PEAR1: variants seen among roughly 807,000 people sequenced by gnomAD.
The protein encoded by PEAR1 is multiple EGF-like domains protein 12.
In PEAR1, 113 loss-of-function variants were observed where a neutral mutation model predicts 131.2. That is an observed-to-expected ratio of 0.86 (90% CI 0.74 to 1.01). The LOEUF is 1.01. Ranked by LOEUF, PEAR1 falls within the 50% of genes least tolerant of loss-of-function variation. The probability of loss-of-function intolerance (pLI) is 0.00; values close to 1 mark genes in which losing one functional copy is unlikely to be tolerated. For missense variants in PEAR1, 1,408 were observed against 1,391.1 expected (o/e 1.01, Z -0.19); for synonymous variants, 565 against 523.3 (o/e 1.08, Z -1.09).
At position 156,902,100 on chromosome 1, in the gene PEAR1, T is replaced by G. The variant is rs1649742289; in HGVS notation, c.-9-1818T>G. ...CATGGCCCTCCCGTATGCTACCCACTGCGTTCAGGATGGTGGGAGGATGGA... is the reference window on the plus strand; with the variant it reads ...CATGGCCCTCCCGTATGCTACCCACGGCGTTCAGGATGGTGGGAGGATGGA... On this transcript the variant is annotated intron_variant, in intron 1 of 22. Coordinates refer to ENST00000292357, the MANE Select transcript of PEAR1 (RefSeq NM_001080471.3). This position sits in a 1 kb window ranked among gnomAD's most constrained non-coding sequence, Gnocchi z 4.3. 6.6e-6 allele frequency: 1 copy of G among 152,188 alleles called. No homozygotes were observed. Among genetic ancestry groups the G allele is most frequent in the Admixed American group, 6.5e-5 (1 of 15,282 alleles). 9.4% of individuals were successfully genotyped at this position (152,188 alleles called of 1,614,324 possible).
Position 156,907,661 on chromosome 1 carries a change from C to G in PEAR1, c.696C>G (p.Thr232=). 4 of 1,613,984 alleles carry G rather than the reference C, an allele frequency of 2.5e-6. No homozygotes were observed. The highest frequency in any genetic ancestry group is 2.7e-5 in the African/African-American group (2 of 75,026). Residue 232 remains threonine (T), a synonymous_variant, in exon 7 of 23, where the codon ACC becomes ACG. Coordinates refer to ENST00000292357, the MANE Select transcript of PEAR1 (RefSeq NM_001080471.3). The part of the protein sequence containing the change: ...QGTSGFFCPS[T]HSCQNGGVFQ... Reference sequence around the variant, plus strand: ...CTTCTGGCTTCTTCTGCCCCAGCACCCATTCTTGCCAAAATGGAGGTGTCT... The same window carrying G: ...CTTCTGGCTTCTTCTGCCCCAGCACGCATTCTTGCCAAAATGGAGGTGTCT...
Position 156,905,363 on chromosome 1 carries a change from G to A in PEAR1, c.246G>A (p.Thr82=), listed in dbSNP as rs1308568302. ...CCGTGTACCGTCAGGTGGTGAAGACGGACCACCGCCAGCGCCTGCAGTGCT... is the reference window on the plus strand; with the variant it reads ...CCGTGTACCGTCAGGTGGTGAAGACAGACCACCGCCAGCGCCTGCAGTGCT... ...YRTVYRQVVK[T]DHRQRLQCCH... The change falls in exon 4 of 23, where the codon ACG becomes ACA. Residue 82 remains threonine, a synonymous_variant. Transcript: ENST00000292357. 1.4e-5 allele frequency: 22 copies of A among 1,611,792 alleles called. No homozygotes were observed. The highest frequency in any genetic ancestry group is 4.0e-5 in the African/African-American group (3 of 74,886).
Position 156,906,840 on chromosome 1 carries a change from A to G in PEAR1, c.604A>G (p.Thr202Ala), listed in dbSNP as rs1198776324. ...QCHGAPCDPQ[T>A]GACFCPAERT... Reference sequence around the variant, plus strand: ...CCATGGGGCACCCTGCGATCCCCAGACTGGAGCCTGCTTCTGCCCCGCAGA... The same window carrying G: ...CCATGGGGCACCCTGCGATCCCCAGGCTGGAGCCTGCTTCTGCCCCGCAGA... Residue 202 changes from threonine (T) to alanine (A), a missense_variant, in exon 6 of 23, where the codon ACT (threonine) becomes GCT (alanine). Coordinates refer to ENST00000292357, the MANE Select transcript of PEAR1 (RefSeq NM_001080471.3). 1 of 1,614,116 alleles carries G rather than the reference A, an allele frequency of 6.2e-7. No homozygotes were observed. Among genetic ancestry groups the G allele is most frequent in the Admixed American group, 1.7e-5 (1 of 60,028 alleles).
intron 1 of PEAR1, among the ~76,000 whole-genome samples, chr1:156,898,135 C>A (rs565416270): frequency 3.1e-4 from 47 of 152,154 alleles, no homozygotes; most frequent in Non-Finnish European, 6.3e-4. Context: ...TACCTGAGAC[C>A]CTCCACTGTG....
At chr1:156,895,231 C>G (rs1433843475) in intron 1 of PEAR1, among the ~76,000 whole-genome samples, 1 of 152,250 alleles carries the variant, frequency 6.6e-6, no homozygotes, top group East Asian at 1.9e-4. Context: ...CTATCAGACT[C>G]TCCCAGAAGA....
Position 156,914,839 on chromosome 1 carries a change from T to C in PEAR1, c.*41T>C, listed in dbSNP as rs762396976. The C allele has an allele frequency of 1.9e-6, 3 of 1,608,326 alleles. No individual in the cohort carries two copies. The highest frequency in any genetic ancestry group is 2.5e-6 in the Non-Finnish European group (3 of 1,176,712). ...TGGCAGAGGCCAGCACACCTGGCTGTTGCTGCTCAAGGCTGGGGACAGAGC... is the reference window on the plus strand; with the variant it reads ...TGGCAGAGGCCAGCACACCTGGCTGCTGCTGCTCAAGGCTGGGGACAGAGC... On this transcript the variant is annotated 3_prime_UTR_variant, in exon 23 of 23. Coordinates refer to ENST00000292357, the MANE Select transcript of PEAR1 (RefSeq NM_001080471.3).
Position 156,912,600 on chromosome 1 carries a change from C to T in PEAR1, c.2187C>T (p.His729=). Reference sequence around the variant, plus strand: ...GGGCCTGTGTATGTCCCCCAGGGCACAGTGGTGCACCTTGCAGGATTGGTG... The same window carrying T: ...GGGCCTGTGTATGTCCCCCAGGGCATAGTGGTGCACCTTGCAGGATTGGTG... The part of the protein sequence containing the change: ...ETGACVCPPG[H]SGAPCRIGIQ... Residue 729 remains histidine, a synonymous_variant, in exon 17 of 23, where the codon CAC becomes CAT. Coordinates refer to ENST00000292357, the MANE Select transcript of PEAR1 (RefSeq NM_001080471.3). 3.7e-6 allele frequency: 6 copies of T among 1,613,760 alleles called. No individual in the cohort carries two copies. The highest frequency in any genetic ancestry group is 5.1e-6 in the Non-Finnish European group (6 of 1,179,918).
rs944200774 is a variant in PEAR1, at chr1:156,913,890, T to C, written c.2752T>C (p.Ser918Pro). ...SEEELGASVA[S>P]LSSENPYATI... Reference sequence around the variant, plus strand: ...AGAGGAGCTCGGGGCCAGTGTGGCTTCCCTGAGCAGTGAGAACCCATATGC... The same window carrying C: ...AGAGGAGCTCGGGGCCAGTGTGGCTCCCCTGAGCAGTGAGAACCCATATGC... Residue 918 changes from serine to proline, a missense_variant, in exon 22 of 23, where the codon TCC becomes CCC. Ser to Pro is a moderately conservative substitution (Grantham distance 74, BLOSUM62 -1). Transcript: ENST00000292357. 3.1e-6 allele frequency: 5 copies of C among 1,613,940 alleles called. No individual in the cohort carries two copies. Among genetic ancestry groups the C allele is most frequent in the African/African-American group, 1.3e-5 (1 of 75,036 alleles).
intron 15 of PEAR1, among the ~76,000 whole-genome samples, chr1:156,911,080 T>TCTTTCTTTCTTTCTTTCTTTC (rs1651058988): frequency 7.2e-6 from 1 of 138,134 alleles, no homozygotes; most frequent in Non-Finnish European, 1.5e-5. Context: ...TTTCTTTCTT[T>TCTTTCTTTCTTTCTTTCTTTC]CTTTCTTTCT....
intron 4 of PEAR1, among the ~76,000 whole-genome samples, 154 bp downstream of exon 4, chr1:156,905,578 C>T (rs550494340): frequency 6.6e-6 from 1 of 152,192 alleles, no homozygotes; most frequent in Admixed American, 6.5e-5. Context: ...GCCTTGTCCC[C>T]AGGATGGGGA....
Position 156,909,018 on chromosome 1 carries a change from G to T in PEAR1, c.1393G>T (p.Glu465Ter). ...CATCGCCTGCTCACCCATCGACGGC[G>T]AGTGCGTCTGCAAGGAAGGTAATAG... ...NAIACSPIDGECVCKEGWQRG... is the reference protein window; with the variant it reads ...NAIACSPIDG Residue 465 changes from glutamate to a stop codon, truncating the protein, a stop_gained, in exon 11 of 23, where the codon GAG becomes TAG. Coordinates refer to ENST00000292357, the MANE Select transcript of PEAR1 (RefSeq NM_001080471.3). LOFTEE classifies it high-confidence loss of function. The T allele has an allele frequency of 2.5e-6, 4 of 1,614,074 alleles. No individual in the cohort carries two copies. The highest frequency in any genetic ancestry group is 1.1e-5 in the South Asian group (1 of 91,062).
intron 1 of PEAR1, among the ~76,000 whole-genome samples, chr1:156,897,895 T>G (rs576440519): frequency 6.6e-6 from 1 of 152,090 alleles, no homozygotes; most frequent in East Asian, 1.9e-4. Context: ...GCTGGCCCCC[T>G]GGGGGTTCTT....
intron 1 of PEAR1, among the ~76,000 whole-genome samples, chr1:156,895,980 G>T (rs1420132759): frequency 1.3e-5 from 2 of 152,174 alleles, no homozygotes; most frequent in African/African-American, 2.4e-5. Flanking sequence ...TACTCAAGAG[G>T]CTGAGGTGGG....
In PEAR1 at chr1:156,907,745, G is replaced by T. The variant is rs879217437; in HGVS notation, c.765+15G>T. On this transcript the variant is annotated intron_variant, in intron 7 of 22. Coordinates refer to ENST00000292357, the MANE Select transcript of PEAR1 (RefSeq NM_001080471.3). ...CTGGCTGGATGGTATGGAGGGTGGG[G>T]CCTGTGGGCATGGGGTGTGGGTCTG... 1 of 1,601,024 alleles carries T rather than the reference G, an allele frequency of 6.2e-7. No homozygotes were observed. Among genetic ancestry groups the T allele is most frequent in the Admixed American group, 1.7e-5 (1 of 59,028 alleles).
chr1:156,910,336 A>G lies in PEAR1; in HGVS notation c.1781A>G (p.Asn594Ser). ...GGCACCTGTCTCCCTGAGAATGGCA[A>G]CTGCGTGTGTGCACCCGGATTCCGG... Reference protein sequence around the residue: ...NGGTCLPENGNCVCAPGFRGP... With the variant: ...NGGTCLPENGSCVCAPGFRGP... Residue 594 changes from asparagine to serine, a missense_variant, in exon 14 of 23, where the codon AAC becomes AGC. Coordinates refer to ENST00000292357, the MANE Select transcript of PEAR1 (RefSeq NM_001080471.3). 1 of 1,611,902 alleles carries G rather than the reference A, an allele frequency of 6.2e-7. No homozygotes were observed. Among genetic ancestry groups the G allele is most frequent in the South Asian group, 1.1e-5 (1 of 90,798 alleles).
At position 156,908,366 on chromosome 1, in the gene PEAR1, G is replaced by C. The variant is rs1391422695; in HGVS notation, c.1115+26G>C. ...GTGGGCCGCGGGACATGTGGTCAAA[G>C]GATCAGGAGGCCAATGGGGAGGTCT... On this transcript the variant is annotated intron_variant, in intron 9 of 22. Coordinates refer to ENST00000292357, the MANE Select transcript of PEAR1 (RefSeq NM_001080471.3). This position sits in a 1 kb window ranked among gnomAD's most constrained non-coding sequence, Gnocchi z 4.2. 9 of 1,476,986 alleles carry C rather than the reference G, an allele frequency of 6.1e-6. No individual in the cohort carries two copies. In the East Asian group the frequency reaches 2.0e-4, roughly 32 times the overall value. 91.5% of individuals were successfully genotyped at this position (1,476,986 alleles called of 1,614,324 possible).
rs1650628771 is a variant in PEAR1 at position 156,908,451 on chromosome 1, GGGGAAA to G, written c.1115+116_1115+121del. The G allele has an allele frequency of 2.2e-6, 3 of 1,343,168 alleles. No individual in the cohort carries two copies. In the South Asian group the frequency reaches 4.6e-5, roughly 21 times the overall value. 83.2% of individuals were successfully genotyped at this position (1,343,168 alleles called of 1,614,324 possible). On this transcript the variant is annotated intron_variant, in intron 9 of 22. Transcript: ENST00000292357. The surrounding 1 kb of genome is among the most constrained non-coding windows in gnomAD (Gnocchi z 4.2). ...TCCAAGGGGGACAGGTGTCACAGAAGGGGAAAGGGAGGGACCTCAGGGGCCGGGAGG... is the reference window on the plus strand; with the variant it reads ...TCCAAGGGGGACAGGTGTCACAGAAGGGGAGGGACCTCAGGGGCCGGGAGG...
At position 156,905,369 on chromosome 1, in the gene PEAR1, C is replaced by T. The variant is rs1650169517; in HGVS notation, c.252C>T (p.His84=). ...TVYRQVVKTD[H]RQRLQCCHGF... ...ACCGTCAGGTGGTGAAGACGGACCA[C>T]CGCCAGCGCCTGCAGTGCTGCCATG... The change falls in exon 4 of 23, where the codon CAC becomes CAT. Residue 84 remains histidine, a synonymous_variant. Coordinates refer to ENST00000292357, the MANE Select transcript of PEAR1 (RefSeq NM_001080471.3). 2.5e-6 allele frequency: 4 copies of T among 1,611,654 alleles called. No homozygotes were observed. The highest frequency in any genetic ancestry group is 2.5e-6 in the Non-Finnish European group (3 of 1,178,960).
rs1201359162 is a variant in PEAR1 at position 156,902,610 on chromosome 1, G to C, written c.-9-1308G>C. On this transcript the variant is annotated intron_variant, in intron 1 of 22. Coordinates refer to ENST00000292357, the MANE Select transcript of PEAR1 (RefSeq NM_001080471.3). The surrounding 1 kb of genome is among the most constrained non-coding windows in gnomAD (Gnocchi z 4.3). The stretch of plus-strand genomic sequence containing the variant: ...CTGGGAGTGTGTGGGTGTGGGGTGT[G>C]GGGTAGGGCCAGGCAGCAACATTCC... Among the ~76,000 whole-genome samples the C allele has an allele frequency of 1.3e-5, 2 of 152,092 alleles. No homozygotes were observed. The highest frequency in any genetic ancestry group is 2.9e-5 in the Non-Finnish European group (2 of 68,006).
Sources: gnomAD v4.1 joint callset for allele counts (sites outside exome capture counted in the v4.1 genomes callset) on GRCh38, gnomAD v4.1.1 for gene constraint, Gnocchi (gnomAD v3.1) non-coding constraint, MANE v1.5 for transcripts, NCBI Gene and HGNC (gene_info 2026-07-23, HGNC 2026-07-21) for gene names.